MTCH2: variants seen among roughly 807,000 people sequenced by gnomAD.
The protein encoded by MTCH2 is mitochondrial carrier 2, also known as mitochondrial carrier homolog 2.
Under a neutral mutation model 50.6 loss-of-function variants are expected in MTCH2, and 25 were observed. The observed-to-expected ratio is 0.49, with a 90% CI of 0.36 to 0.69. MTCH2 has a LOEUF of 0.69. Ranked by LOEUF, MTCH2 falls within the 30% of genes least tolerant of loss-of-function variation. MTCH2 has a pLI of 0.00. For synonymous variants in MTCH2, 106 were observed against 132.0 expected (o/e 0.80, Z 1.35); for missense variants, 273 against 384.4 (o/e 0.71, Z 2.42).
intron 5 of MTCH2, among the ~76,000 whole-genome samples, chr11:47,632,225 G>T (rs1222157114): frequency 2.0e-5 from 3 of 152,088 alleles, no homozygotes; most frequent in Admixed American, 6.6e-5. Context: ...GTATCTTAGA[G>T]CTGCTGTGTT....
At position 47,642,445 on chromosome 11, in the gene MTCH2, C is replaced by T. The variant is rs776696384; in HGVS notation, c.21G>A (p.Gln7=). Residue 7 remains glutamine, a synonymous_variant, in exon 1 of 13, where the codon CAG becomes CAA. Coordinates refer to ENST00000302503, the MANE Select transcript of MTCH2 (RefSeq NM_014342.4). ...TGGTGAGACCGGAGCCCAGGAGCAC[C>T]TGACTGGCCGCGTCCGCCATGATGG... MADAAS[Q]VLLGSGLTIL... The T allele has an allele frequency of 6.3e-7, 1 of 1,598,258 alleles. No homozygotes were observed. The highest frequency in any genetic ancestry group is 8.5e-7 in the Non-Finnish European group (1 of 1,173,870).
the MTCH2 span, among the ~76,000 whole-genome samples, chr11:47,609,308 T>C: frequency 6.7e-6 from 1 of 149,996 alleles, no homozygotes; most frequent in African/African-American, 2.5e-5. Flanking sequence ...TACAAAAAAT[T>C]AGCCGGATGT....
intron 11 of MTCH2, among the ~76,000 whole-genome samples, chr11:47,624,825 C>T (rs556333356): frequency 3.9e-5 from 6 of 152,234 alleles, no homozygotes; most frequent in African/African-American, 1.2e-4. Context: ...CAGTGGCTCA[C>T]GCCTTTAATT....
downstream of MTCH2, among the ~76,000 whole-genome samples, chr11:47,613,313 A>T (rs1343579012): frequency 6.6e-6 from 1 of 152,168 alleles, no homozygotes; most frequent in Non-Finnish European, 1.5e-5. Flanking sequence ...GAAAGCCTAA[A>T]CAGAGCTCTG....
At position 47,636,097 on chromosome 11, in the gene MTCH2, C is replaced by T. The variant is rs1249365847; in HGVS notation, c.280-526G>A. ...GAGCCAAGATCACGCCACTGCACTG[C>T]AGCCCAGGTGACAGAGCAAGAGTCC... is the stretch of plus-strand genomic sequence containing the variant. On this transcript the variant is annotated intron_variant, in intron 3 of 12. Transcript: ENST00000302503. Among the ~76,000 whole-genome samples, 12 of 151,562 alleles carry T rather than the reference C, an allele frequency of 7.9e-5. No homozygotes were observed. The East Asian group carries it at 9.7e-4, about 12-fold the overall frequency.
chr11:47,613,785 G>C (rs1230919674), downstream of MTCH2, among the ~76,000 whole-genome samples: 1 of 152,076 alleles, frequency 6.6e-6, no homozygotes, highest in African/African-American at 2.4e-5. Flanking sequence ...TCAGATGGAT[G>C]GCTTACATAA....
At chr11:47,607,011 T>C in the MTCH2 span, among the ~76,000 whole-genome samples, 1 of 152,224 alleles carries the variant, frequency 6.6e-6, no homozygotes, top group Non-Finnish European at 1.5e-5. Context: ...TCTAGCAGTC[T>C]CACCCTCAAC....
At position 47,625,726 on chromosome 11, in the gene MTCH2, A is replaced by G; in HGVS notation, c.697T>C (p.Leu233=). The change falls in exon 11 of 13, where the codon TTG becomes CTG. Residue 233 remains leucine, a synonymous_variant. Coordinates refer to ENST00000302503, the MANE Select transcript of MTCH2 (RefSeq NM_014342.4). Reference sequence around the variant, plus strand: ...GAGACAAGCACAAAGGGATAGGTCAACATACTCGCAAAAAACTGTAAAATG... The same window carrying G: ...GAGACAAGCACAAAGGGATAGGTCAGCATACTCGCAAAAAACTGTAAAATG... The part of the protein sequence containing the change: ...QAVTGFFASM[L]TYPFVLVSNL... 4 of 1,613,086 alleles carry G rather than the reference A, an allele frequency of 2.5e-6. No individual in the cohort carries two copies. The highest frequency in any genetic ancestry group is 3.4e-6 in the Non-Finnish European group (4 of 1,179,198).
rs905854246 is a variant in MTCH2, at chr11:47,642,539, G to C, written c.-74C>G. ...CCGGTGAGCCGGTCCTAGGTCACGT[G>C]CCAGGGCCGCCGGTTTCACTGGCCC... On this transcript the variant is annotated 5_prime_UTR_variant, in exon 1 of 13. Coordinates refer to ENST00000302503, the MANE Select transcript of MTCH2 (RefSeq NM_014342.4). The C allele has an allele frequency of 7.3e-7, 1 of 1,365,428 alleles. No homozygotes were observed. Among genetic ancestry groups the C allele is most frequent in the African/African-American group, 1.5e-5 (1 of 65,878 alleles). The allele number at this position is 1,365,428 out of a possible 1,614,324, so 84.6% of individuals were successfully genotyped here.
rs1300248052 is a variant in MTCH2 at position 47,635,677 on chromosome 11, T to G, written c.280-106A>C. On this transcript the variant is annotated intron_variant, in intron 3 of 12. Transcript: ENST00000302503. ...AGAAAGTAAATTAGCTGAAGTTTTT[T>G]TTAAAGTTTTTGTTTTTTTTTTTAA... 1.3e-5 allele frequency: 15 copies of G among 1,166,312 alleles called. No homozygotes were observed. In the East Asian group the frequency reaches 3.6e-4, roughly 28 times the overall value. 72.2% of individuals were successfully genotyped at this position (1,166,312 alleles called of 1,614,324 possible).
At chr11:47,625,309 G>A (rs1193745043) in intron 11 of MTCH2, among the ~76,000 whole-genome samples, 1 of 151,066 alleles carries the variant, frequency 6.6e-6, no homozygotes. Context: ...TGTAATCCCA[G>A]CTACTCAGGA....
Position 47,638,988 on chromosome 11 carries a change from G to A in MTCH2, c.151C>T (p.Leu51Phe). 6.2e-7 allele frequency: 1 copy of A among 1,613,664 alleles called. No homozygotes were observed. The highest frequency in any genetic ancestry group is 8.5e-7 in the Non-Finnish European group (1 of 1,179,778). The change falls in exon 2 of 13, where the codon CTT (leucine) becomes TTT (phenylalanine). Residue 51 changes from leucine to phenylalanine, a missense_variant. Physicochemically the swap from Leu to Phe is conservative, Grantham distance 22. This residue lies in a region of MTCH2 where 203 missense variants were observed against 244.3 expected (regional missense o/e 0.83). Coordinates refer to ENST00000302503, the MANE Select transcript of MTCH2 (RefSeq NM_014342.4). ...TTACCATAACTAAAGAGACCAGGAA[G>A]CTGACACACTTGCCGCCCAAAAATA... ...RNIFGRQVCQ[L>F]PGLFSYAQHI...
intron 1 of MTCH2, among the ~76,000 whole-genome samples, chr11:47,639,604 C>T (rs993810499): frequency 6.6e-6 from 1 of 152,218 alleles, no homozygotes. Context: ...TTTGGGAGAC[C>T]GAGGGGGATG....
Position 47,642,518 on chromosome 11 carries a change from T to G in MTCH2, c.-53A>C. On this transcript the variant is annotated 5_prime_UTR_variant, in exon 1 of 13. Transcript: ENST00000302503. ...CAGACGGAGCCACCAAGCGACCCGGTGAGCCGGTCCTAGGTCACGTGCCAG... is the reference window on the plus strand; with the variant it reads ...CAGACGGAGCCACCAAGCGACCCGGGGAGCCGGTCCTAGGTCACGTGCCAG... 1 of 1,518,294 alleles carries G rather than the reference T, an allele frequency of 6.6e-7. No individual in the cohort carries two copies. The allele number at this position is 1,518,294 out of a possible 1,614,324, so 94.1% of individuals were successfully genotyped here. A position where few individuals can be genotyped will look rare whatever the true frequency, so the allele number is the denominator to read the frequency against.
chr11:47,605,055 C>T, the MTCH2 span, among the ~76,000 whole-genome samples: 2 of 152,056 alleles, frequency 1.3e-5, no homozygotes, highest in East Asian at 1.9e-4. Context: ...CTCAGCCTCC[C>T]GAGTAGCTGG....
chr11:47,630,030 A>C (rs947227124), intron 8 of MTCH2, among the ~76,000 whole-genome samples: 2 of 141,306 alleles, frequency 1.4e-5, no homozygotes, highest in African/African-American at 4.9e-5. Context: ...TTATTTATTA[A>C]TTATTATTAT....
intron 9 of MTCH2, among the ~76,000 whole-genome samples, chr11:47,628,063 T>C (rs1010562803): frequency 2.0e-5 from 3 of 152,174 alleles, no homozygotes; most frequent in Non-Finnish European, 4.4e-5. Context: ...TTCTACCAGA[T>C]GCGTTGAAGA....
chr11:47,630,403 GAAAA>G, intron 8 of MTCH2, 148 bp downstream of exon 8: 1 of 657,490 alleles, frequency 1.5e-6, no homozygotes, highest in Non-Finnish European at 2.6e-6. Context: ...AGAGAAAAAA[GAAAA>G]AAAAATAAGG....
intron 5 of MTCH2, 27 bp downstream of exon 5, chr11:47,634,645 C>T (rs759367986): frequency 1.9e-6 from 3 of 1,572,214 alleles, no homozygotes; most frequent in Admixed American, 1.7e-5. Flanking sequence ...TCTGGGCAAA[C>T]AGCACAGGAT....
Sources: gnomAD v4.1 joint callset for allele counts (sites outside exome capture counted in the v4.1 genomes callset) on GRCh38, gnomAD v4.1.1 for gene constraint, gnomAD v4.1.1 regional missense constraint, MANE v1.5 for transcripts, NCBI Gene and HGNC (gene_info 2026-07-23, HGNC 2026-07-21) for gene names.